Variants in ZNF730 observed in about 807,000 individuals in gnomAD.
ZNF730 encodes putative zinc finger protein 730.
Under a neutral mutation model 12.6 loss-of-function variants are expected in ZNF730, and 12 were observed. That is an observed-to-expected ratio of 0.95 (90% CI 0.61 to 1.54). The LOEUF is 1.54. Ranked by LOEUF, ZNF730 falls within the 40% of genes most tolerant of loss-of-function variation. The pLI is 0.00. For synonymous variants in ZNF730, 194 were observed against 195.8 expected (o/e 0.99, Z 0.08); for missense variants, 643 against 583.5 (o/e 1.10, Z -1.05).
At chr19:23,108,039 AT>A (rs1490611947) in intron 1 of ZNF730, among the ~76,000 whole-genome samples, 1 of 152,182 alleles carries the variant, frequency 6.6e-6, no homozygotes, top group African/African-American at 2.4e-5. Flanking sequence ...AACTGGGTTG[AT>A]TAAGGCACAA....
intron 1 of ZNF730, among the ~76,000 whole-genome samples, chr19:23,104,820 C>T (rs1299692774): frequency 6.6e-6 from 1 of 152,114 alleles, no homozygotes; most frequent in Non-Finnish European, 1.5e-5. Flanking sequence ...CTCTGTACAG[C>T]GTTCCTGACC....
chr19:23,076,092 T>C (rs1469830034), intron 1 of ZNF730, among the ~76,000 whole-genome samples: 1 of 152,142 alleles, frequency 6.6e-6, no homozygotes, highest in East Asian at 1.9e-4. Context: ...TAACTCAGGC[T>C]TGCAGTAAAA....
chr19:23,077,351 C>G (rs1367281606), intron 1 of ZNF730, among the ~76,000 whole-genome samples: 1 of 151,178 alleles, frequency 6.6e-6, no homozygotes. Flanking sequence ...CCGCCTTGGC[C>G]TCCCAATGTG....
chr19:23,116,351 TTCTTTTCTTTCTC>T (rs2044461773), upstream of ZNF730, among the ~76,000 whole-genome samples: 1 of 150,604 alleles, frequency 6.6e-6, no homozygotes, highest in Non-Finnish European at 1.5e-5. Context: ...CTTTCCTTAT[TTCTTTTCTTTCTC>T]TCTTTTCTTT....
upstream of ZNF730, among the ~76,000 whole-genome samples, chr19:23,114,160 C>G (rs1382884926): frequency 1.3e-5 from 2 of 152,122 alleles, no homozygotes; most frequent in Non-Finnish European, 2.9e-5. Flanking sequence ...TTCTTCTGTC[C>G]ATAAATCTTT....
chr19:23,115,586 C>G (rs1317434065), upstream of ZNF730, among the ~76,000 whole-genome samples: 1 of 152,176 alleles, frequency 6.6e-6, no homozygotes, highest in African/African-American at 2.4e-5. Flanking sequence ...CAGAATGCTG[C>G]CCTCTCCATG....
chr19:23,131,358 C>A (rs1333958395), intron 1 of ZNF730, among the ~76,000 whole-genome samples: 8 of 152,150 alleles, frequency 5.3e-5, no homozygotes, highest in Non-Finnish European at 8.8e-5. Flanking sequence ...AGATTAAATC[C>A]TGTAATGTGC....
At chr19:23,142,248 T>C (rs1328638033) in intron 3 of ZNF730, among the ~76,000 whole-genome samples, 1 of 150,822 alleles carries the variant, frequency 6.6e-6, no homozygotes, top group East Asian at 1.9e-4. Context: ...CCTCTTCTGC[T>C]CTCATTTGAT....
upstream of ZNF730, among the ~76,000 whole-genome samples, chr19:23,115,419 C>CT (rs747760301): frequency 6.6e-6 from 1 of 152,156 alleles, no homozygotes; most frequent in Non-Finnish European, 1.5e-5. Context: ...TTGCCACGTG[C>CT]TTTTTTACAG....
At chr19:23,105,637 G>A (rs984552739) in intron 1 of ZNF730, among the ~76,000 whole-genome samples, 4 of 151,964 alleles carry the variant, frequency 2.6e-5, no homozygotes, top group Admixed American at 1.3e-4. Flanking sequence ...ACAATTTAAC[G>A]GTTTATTGTA....
intron 1 of ZNF730, among the ~76,000 whole-genome samples, chr19:23,086,027 T>C (rs999763892): frequency 1.3e-5 from 2 of 151,882 alleles, no homozygotes; most frequent in African/African-American, 2.4e-5. Flanking sequence ...GTATTTTTAA[T>C]AGAGACGGGG....
intron 1 of ZNF730, among the ~76,000 whole-genome samples, chr19:23,111,584 T>A (rs1000696248): frequency 1.3e-5 from 2 of 152,008 alleles, no homozygotes; most frequent in African/African-American, 2.4e-5. Context: ...CCGTCTCTAC[T>A]AAAAATTACA....
intron 1 of ZNF730, chr19:23,128,205 G>A (rs1970694870): frequency 2.6e-6 from 2 of 773,106 alleles, no homozygotes; most frequent in Admixed American, 3.5e-5. Context: ...GTACCAAACA[G>A]TTCCCTGGTT....
chr19:23,083,117 CTTT>C (rs1020001954), intron 1 of ZNF730, among the ~76,000 whole-genome samples: 1 of 151,314 alleles, frequency 6.6e-6, no homozygotes, highest in African/African-American at 2.4e-5. Flanking sequence ...TATGGATTTT[CTTT>C]TTTTTAGATA....
chr19:23,117,447 TC>T (rs1297003522), intron 1 of ZNF730, among the ~76,000 whole-genome samples: 2 of 152,268 alleles, frequency 1.3e-5, no homozygotes, highest in East Asian at 3.9e-4. Context: ...GCTGCGTCTC[TC>T]CCAGATTATG....
upstream of ZNF730, chr19:23,116,865 C>T: frequency 3.7e-6 from 2 of 546,452 alleles, no homozygotes; most frequent in Non-Finnish European, 6.4e-6. Context: ...CTGCAGCCTA[C>T]GCTGTCACTC....
chr19:23,082,540 T>C (rs1428231905), intron 1 of ZNF730, among the ~76,000 whole-genome samples: 3 of 151,828 alleles, frequency 2.0e-5, no homozygotes, highest in Non-Finnish European at 2.9e-5. Context: ...AGAGACAGGG[T>C]TTCACCATGT....
chr19:23,108,744 T>G (rs150241282), intron 1 of ZNF730, among the ~76,000 whole-genome samples: 2,440 of 152,224 alleles, frequency 0.016, 30 homozygotes, highest in East Asian at 0.044. Flanking sequence ...TGTCTTTTTT[T>G]TTTGTTTGTT....
At chr19:23,085,836 C>CTTTTTCTTTTTTTTTTTT (rs1970052605) in intron 1 of ZNF730, among the ~76,000 whole-genome samples, 1 of 54,806 alleles carries the variant, frequency 1.8e-5, no homozygotes, top group African/African-American at 8.3e-5. Context: ...ATTTTTTTTT[C>CTTTTTCTTTTTTTTTTTT]TTTTTTTTTT....
Sources: gnomAD v4.1 joint callset for allele counts (sites outside exome capture counted in the v4.1 genomes callset) on GRCh38, gnomAD v4.1.1 for gene constraint, MANE v1.5 for transcripts, NCBI Gene and HGNC (gene_info 2026-07-23, HGNC 2026-07-21) for gene names.